The following ZNF385D variants were observed in gnomAD, a reference collection of about 807,000 sequenced individuals.
ZNF385D encodes the protein zinc finger protein 385D.
ZNF385D carries 15 observed loss-of-function variants against 35.8 expected under a neutral mutation model. The ratio of observed to expected loss-of-function variants is 0.42; its 90% CI spans 0.28 to 0.64. The LOEUF is 0.64. Among genes scored for constraint, ZNF385D ranks in the 30% least tolerant of loss-of-function variants. The pLI, the probability that ZNF385D is intolerant of heterozygous loss-of-function variation, is 0.23. For synonymous variants in ZNF385D, 212 were observed against 186.8 expected, an observed-to-expected ratio of 1.13 and a Z score of -1.10; for missense variants, 474 against 494.6, an observed-to-expected ratio of 0.96 and a Z score of 0.39.
intron 3 of ZNF385D, among the ~76,000 whole-genome samples, chr3:22,154,064 G>C (rs1478587867): frequency 2.6e-5 from 4 of 152,136 alleles, no homozygotes; most frequent in South Asian, 4.2e-4. Context: ...TTTGGTATAT[G>C]GAATAAGCCT....
chr3:21,902,757 G>C (rs975052049), intron 3 of ZNF385D, among the ~76,000 whole-genome samples: 1 of 152,092 alleles, frequency 6.6e-6, no homozygotes, highest in African/African-American at 2.4e-5. Flanking sequence ...GAGTTAGTGG[G>C]TGCAGCACAC....
intron 4 of ZNF385D, among the ~76,000 whole-genome samples, chr3:21,439,523 T>C (rs1701754377): frequency 6.6e-6 from 1 of 152,038 alleles, no homozygotes; most frequent in Non-Finnish European, 1.5e-5. Context: ...AAATCTACTA[T>C]GGTAAAGATT....
intron 3 of ZNF385D, among the ~76,000 whole-genome samples, chr3:21,793,552 A>G (rs2072017762): frequency 6.6e-6 from 1 of 152,206 alleles, no homozygotes; most frequent in South Asian, 2.1e-4. Flanking sequence ...ATTTCCATAG[A>G]AAGTTCTCTC....
At chr3:22,030,291 A>ATATGTATG (rs1697900887) in intron 3 of ZNF385D, among the ~76,000 whole-genome samples, 2 of 113,676 alleles carry the variant, frequency 1.8e-5, no homozygotes, top group Non-Finnish European at 3.4e-5. Flanking sequence ...ATATATATAT[A>ATATGTATG]TATATATATA....
chr3:21,528,557 T>C (rs233150), intron 3 of ZNF385D, among the ~76,000 whole-genome samples: 27,934 of 152,070 alleles, frequency 0.18, 2,634 homozygotes, highest in Admixed American at 0.25. Flanking sequence ...TAAAACAATA[T>C]GATGGAAGGT....
intron 2 of ZNF385D, among the ~76,000 whole-genome samples, chr3:22,170,632 A>T (rs567038533): frequency 6.6e-6 from 1 of 152,334 alleles, no homozygotes; most frequent in Non-Finnish European, 1.5e-5. Context: ...TTAAATGGTC[A>T]TTTTAAAAGA....
chr3:21,788,928 G>A (rs917858227), intron 3 of ZNF385D, among the ~76,000 whole-genome samples: 9 of 152,192 alleles, frequency 5.9e-5, no homozygotes, highest in African/African-American at 1.7e-4. Context: ...GATTAGGGCA[G>A]GAGGTCAGAG....
intron 3 of ZNF385D, among the ~76,000 whole-genome samples, chr3:21,959,113 T>A (rs1702442586): frequency 6.6e-6 from 1 of 152,190 alleles, no homozygotes; most frequent in Admixed American, 6.6e-5. Context: ...TACATAAATG[T>A]CATTGCACTT....
chr3:21,636,144 G>A (rs111330496), intron 2 of ZNF385D, among the ~76,000 whole-genome samples: 3,643 of 151,394 alleles, frequency 0.024, 160 homozygotes, highest in African/African-American at 0.081. Flanking sequence ...ACTGTTTTCC[G>A]TAGTGGTTGT....
chr3:22,187,102 C>T (rs1375627984), intron 2 of ZNF385D, among the ~76,000 whole-genome samples: 1 of 152,138 alleles, frequency 6.6e-6, no homozygotes, highest in African/African-American at 2.4e-5. Context: ...ATCACACAAT[C>T]TAACATCTTC....
At chr3:21,621,844 GTTCC>G (rs1446740905) in intron 2 of ZNF385D, among the ~76,000 whole-genome samples, 1 of 144,458 alleles carries the variant, frequency 6.9e-6, no homozygotes, top group Non-Finnish European at 1.5e-5. Context: ...AATTTGAAGT[GTTCC>G]TTCCAACCTG....
At chr3:21,432,838 T>C (rs1433223890) in intron 5 of ZNF385D, among the ~76,000 whole-genome samples, 1 of 151,812 alleles carries the variant, frequency 6.6e-6, no homozygotes, top group Non-Finnish European at 1.5e-5. Context: ...AATCCTGTAT[T>C]CTAATCTTAT....
At chr3:22,198,427 T>C (rs1696565078) in intron 2 of ZNF385D, among the ~76,000 whole-genome samples, 1 of 152,070 alleles carries the variant, frequency 6.6e-6, no homozygotes, top group African/African-American at 2.4e-5. Context: ...GGAAGAAAGC[T>C]CTAAGTCTTT....
At chr3:21,535,773 A>T (rs539324913) in intron 3 of ZNF385D, among the ~76,000 whole-genome samples, 2 of 152,038 alleles carry the variant, frequency 1.3e-5, no homozygotes, top group Non-Finnish European at 2.9e-5. Context: ...ACATGTGCCC[A>T]CTGTTTCACA....
At chr3:21,543,885 C>T (rs2062276566) in intron 3 of ZNF385D, among the ~76,000 whole-genome samples, 1 of 152,134 alleles carries the variant, frequency 6.6e-6, no homozygotes, top group Non-Finnish European at 1.5e-5. Flanking sequence ...TAACTGGTGG[C>T]AAGGCTTTGT....
chr3:21,479,026 C>T (rs1389392708), intron 4 of ZNF385D, among the ~76,000 whole-genome samples: 1 of 137,244 alleles, frequency 7.3e-6, no homozygotes, highest in Non-Finnish European at 1.6e-5. Context: ...AAGTGAAAAC[C>T]ATATATTTCT....
At chr3:22,311,982 C>A (rs1173118058) in intron 2 of ZNF385D, among the ~76,000 whole-genome samples, 1 of 152,122 alleles carries the variant, frequency 6.6e-6, no homozygotes, top group Non-Finnish European at 1.5e-5. Flanking sequence ...AACAAGACAA[C>A]ACTTGGAGGC....
chr3:22,223,949 A>G (rs556681686), intron 2 of ZNF385D, among the ~76,000 whole-genome samples: 53 of 152,254 alleles, frequency 3.5e-4, no homozygotes, highest in African/African-American at 1.3e-3. Context: ...TTTATTCACC[A>G]TCATACATGG....
chr3:21,763,744 C>T (rs114244575), intron 3 of ZNF385D, among the ~76,000 whole-genome samples: 3,799 of 151,620 alleles, frequency 0.025, 169 homozygotes, highest in African/African-American at 0.085. Context: ...AAATATGTAG[C>T]ATCTACCCTT....
Sources: allele counts gnomAD v4.1 joint callset (sites outside exome capture counted in the v4.1 genomes callset), GRCh38; gene constraint gnomAD v4.1.1; transcripts MANE v1.5; gene names NCBI Gene and HGNC (gene_info 2026-07-23, HGNC 2026-07-21).